The following KDM4C variants were observed in gnomAD, a reference collection of about 807,000 sequenced individuals.
The protein encoded by KDM4C is lysine-specific demethylase 4C.
A neutral mutation model predicts 129.3 loss-of-function variants in KDM4C; 81 were observed. The ratio of observed to expected loss-of-function variants is 0.63; its 90% CI spans 0.52 to 0.75. The LOEUF is 0.75. Ranked by LOEUF, KDM4C falls within the 30% of genes least tolerant of loss-of-function variation. KDM4C has a pLI of 0.00. For synonymous variants in KDM4C, 573 were observed against 456.1 expected (o/e 1.26, Z -3.26); for missense variants, 1,457 against 1,304.0 (o/e 1.12, Z -1.81).
chr9:6,821,702 G>A (rs1406453110), intron 4 of KDM4C, among the ~76,000 whole-genome samples: 1 of 151,706 alleles, frequency 6.6e-6, no homozygotes, highest in African/African-American at 2.4e-5. Flanking sequence ...GTGGAGTGCA[G>A]TGGCGCGGTC....
intron 5 of KDM4C, among the ~76,000 whole-genome samples, chr9:6,873,396 T>C (rs1843063228): frequency 6.6e-6 from 1 of 152,234 alleles, no homozygotes; most frequent in African/African-American, 2.4e-5. Flanking sequence ...TTCCTCCACA[T>C]TGAAAATCTG....
At chr9:7,108,211 T>A (rs1222872825) in intron 18 of KDM4C, among the ~76,000 whole-genome samples, 1 of 152,136 alleles carries the variant, frequency 6.6e-6, no homozygotes, top group Non-Finnish European at 1.5e-5. Context: ...ACTGAGTCCT[T>A]GCTCAGCACT....
chr9:6,819,774 T>G (rs1832711447), intron 4 of KDM4C, among the ~76,000 whole-genome samples: 1 of 152,260 alleles, frequency 6.6e-6, no homozygotes, highest in Admixed American at 6.5e-5. Context: ...AATGTTTGAA[T>G]TCATTGTAAT....
At chr9:6,982,267 T>C (rs1816900097) in intron 9 of KDM4C, 2 of 151,836 alleles carry the variant, frequency 1.3e-5, no homozygotes, top group Admixed American at 6.6e-5. Context: ...TGGTAGTGAG[T>C]GGAAGAACCT....
At chr9:6,780,128 A>G (rs1033005450) in intron 1 of KDM4C, among the ~76,000 whole-genome samples, 2 of 152,170 alleles carry the variant, frequency 1.3e-5, no homozygotes, top group African/African-American at 4.8e-5. Flanking sequence ...GGCTATGCCT[A>G]TTGTTAATAT....
chr9:6,953,750 A>G (rs1026987976), intron 8 of KDM4C, among the ~76,000 whole-genome samples: 5 of 152,204 alleles, frequency 3.3e-5, no homozygotes, highest in Non-Finnish European at 7.4e-5. Flanking sequence ...GTTATGAGTA[A>G]TAGTGAATAC....
At chr9:6,773,768 C>G (rs534836400) in intron 1 of KDM4C, among the ~76,000 whole-genome samples, 1 of 136,552 alleles carries the variant, frequency 7.3e-6, no homozygotes, top group African/African-American at 2.9e-5. Flanking sequence ...GAGACTCTGT[C>G]TCAAAAAAAA....
intron 8 of KDM4C, among the ~76,000 whole-genome samples, chr9:6,933,691 G>A (rs1371363141): frequency 6.6e-6 from 1 of 152,174 alleles, no homozygotes; most frequent in Non-Finnish European, 1.5e-5. Flanking sequence ...ATGTAAGACA[G>A]TGTGTAAATC....
At chr9:6,838,836 T>C (rs1836367938) in intron 4 of KDM4C, among the ~76,000 whole-genome samples, 1 of 152,204 alleles carries the variant, frequency 6.6e-6, no homozygotes, top group African/African-American at 2.4e-5. Flanking sequence ...TGCATACGGA[T>C]CTATTCTCAT....
chr9:6,873,941 C>CGAGA (rs61477112), intron 5 of KDM4C, among the ~76,000 whole-genome samples: 32,486 of 131,886 alleles, frequency 0.25, 4,395 homozygotes, highest in Middle Eastern at 0.35. Flanking sequence ...TGAGAGAGAG[C>CGAGA]GAGAGAGAGA....
intron 8 of KDM4C, among the ~76,000 whole-genome samples, chr9:6,897,041 C>T (rs983091207): frequency 2.0e-5 from 3 of 152,180 alleles, no homozygotes; most frequent in Admixed American, 2.0e-4. Flanking sequence ...AGATACACTT[C>T]CAAATTTTAG....
At chr9:6,732,409 G>A (rs1379484268) in intron 1 of KDM4C, among the ~76,000 whole-genome samples, 1 of 138,946 alleles carries the variant, frequency 7.2e-6, no homozygotes, top group Non-Finnish European at 1.5e-5. Context: ...AAAGAATGAG[G>A]CCGGAAGTTG....
At chr9:7,016,817 A>T (rs1586935483) in intron 15 of KDM4C, among the ~76,000 whole-genome samples, 1 of 152,120 alleles carries the variant, frequency 6.6e-6, no homozygotes, top group African/African-American at 2.4e-5. Context: ...AAGGCTTCAG[A>T]ATTTTTCTTC....
chr9:7,145,805 A>C (rs911648976), intron 19 of KDM4C, among the ~76,000 whole-genome samples: 4 of 152,252 alleles, frequency 2.6e-5, no homozygotes, highest in African/African-American at 7.2e-5. Context: ...AGTCTTCTCA[A>C]ATCCAAACAA....
At chr9:6,779,821 A>T (rs1823929788) in intron 1 of KDM4C, among the ~76,000 whole-genome samples, 1 of 152,232 alleles carries the variant, frequency 6.6e-6, no homozygotes. Flanking sequence ...TACAAATACC[A>T]GATGTGCATC....
At chr9:6,839,288 A>G (rs913104196) in intron 4 of KDM4C, among the ~76,000 whole-genome samples, 1 of 151,978 alleles carries the variant, frequency 6.6e-6, no homozygotes, top group Non-Finnish European at 1.5e-5. Flanking sequence ...AGAGTGCAGT[A>G]GCGCCATCAT....
chr9:7,040,285 C>G (rs1828331358), intron 15 of KDM4C, among the ~76,000 whole-genome samples: 1 of 151,384 alleles, frequency 6.6e-6, no homozygotes, highest in African/African-American at 2.4e-5. Context: ...TGTTCATTCT[C>G]TCTTTCCCTT....
At chr9:7,144,895 G>C (rs961771665) in intron 19 of KDM4C, among the ~76,000 whole-genome samples, 3 of 152,224 alleles carry the variant, frequency 2.0e-5, no homozygotes, top group African/African-American at 7.2e-5. Context: ...CGTATTTTTA[G>C]GCACCGTGAT....
chr9:7,069,340 G>T (rs535364595), intron 17 of KDM4C, among the ~76,000 whole-genome samples: 1 of 151,952 alleles, frequency 6.6e-6, no homozygotes, highest in Non-Finnish European at 1.5e-5. Flanking sequence ...AGAATATTAC[G>T]CATATTTAAT....
Sources: gnomAD v4.1 joint callset for allele counts (sites outside exome capture counted in the v4.1 genomes callset) on GRCh38, gnomAD v4.1.1 for gene constraint, MANE v1.5 for transcripts, NCBI Gene and HGNC (gene_info 2026-07-23, HGNC 2026-07-21) for gene names.